Variants in ANO8 observed in about 807,000 individuals in gnomAD.
ANO8 encodes the protein anoctamin 8, also known as anoctamin-8.
ANO8 carries 67 observed loss-of-function variants against 120.4 expected under a neutral mutation model. That is an observed-to-expected ratio of 0.56 (90% confidence interval 0.46 to 0.68). The LOEUF (loss-of-function observed/expected upper bound fraction) is 0.68. Among genes scored for constraint, ANO8 ranks in the 30% least tolerant of loss-of-function variants. ANO8 has a pLI of 0.00. For missense variants in ANO8, 1,526 were observed against 1,737.6 expected (o/e 0.88, Z 2.16); for synonymous variants, 727 against 759.2 (o/e 0.96, Z 0.70).
intron 17 of ANO8, among the ~76,000 whole-genome samples, chr19:17,324,168 A>G (rs2074257538): frequency 1.8e-5 from 2 of 108,220 alleles, no homozygotes; most frequent in African/African-American, 6.9e-5. Flanking sequence ...CTCCCTGGGA[A>G]TGGGGTTGCT....
At position 17,327,828 on chromosome 19, in the gene ANO8, A is replaced by G; in HGVS notation, c.2279T>C (p.Leu760Pro). Residue 760 changes from leucine (L) to proline (P), a missense_variant, in exon 14 of 18, where the codon CTC (leucine) becomes CCC (proline). By Grantham distance (98) the Leu-to-Pro change is moderately conservative (BLOSUM62 -3). Coordinates refer to ENST00000159087, the MANE Select transcript of ANO8 (RefSeq NM_020959.3). ...EMFVQFGYVV[L>P]FSSAFPLAAL... ...CGCCAGGGGGAAGGCGGACGAGAAG[A>G]GCACAACGTAGCCGAACTGCACGAA... is the stretch of plus-strand genomic sequence containing the variant. The G allele has an allele frequency of 1.9e-6, 3 of 1,614,216 alleles. No homozygotes were observed. The highest frequency in any genetic ancestry group is 8.5e-7 in the Non-Finnish European group (1 of 1,180,010).
intron 12 of ANO8, 132 bp from the exon 13 acceptor site, chr19:17,329,115 C>T: frequency 2.9e-6 from 2 of 694,032 alleles, no homozygotes; most frequent in Admixed American, 4.0e-5. Context: ...TTCCTAACTC[C>T]GCTGCTTTGG....
In ANO8 at chr19:17,328,733, G is replaced by C. The variant is rs1307418318; in HGVS notation, c.1655C>G (p.Ala552Gly). ...CGCCGCCTCCTCCTCCTCCTCCGGCGCCCCGCAGCCCCCGCTGAGGCACCT... is the reference window on the plus strand; with the variant it reads ...CGCCGCCTCCTCCTCCTCCTCCGGCCCCCCGCAGCCCCCGCTGAGGCACCT... Reference protein sequence around the residue: ...GRRCLSGGCGAPEEEEEAALV... With the variant: ...GRRCLSGGCGGPEEEEEAALV... The change falls in exon 13 of 18, where the codon GCG (alanine) becomes GGG (glycine). Residue 552 changes from alanine to glycine, a missense_variant. This residue lies in a region of ANO8 where 467 missense variants were observed against 425.8 expected (regional missense o/e 1.10). Transcript: ENST00000159087. The C allele has an allele frequency of 7.4e-7, 1 of 1,347,750 alleles. No homozygotes were observed. The highest frequency in any genetic ancestry group is 9.5e-7 in the Non-Finnish European group (1 of 1,051,224). The allele number at this position is 1,347,750 out of a possible 1,614,324, so 83.5% of individuals were successfully genotyped here.
chr19:17,329,036 G>T, intron 12 of ANO8, 53 bp from the exon 13 acceptor site: 1 of 1,351,138 alleles, frequency 7.4e-7, no homozygotes, highest in South Asian at 1.5e-5. Context: ...GCGGGGCGCC[G>T]GGATCGGGGG....
rs1017214623 is a variant in ANO8 at position 17,333,854 on chromosome 19, C to A, written c.107-54G>T. ...AGGCCACTCTGGGATCCGGACCCGG[C>A]CTCCAGTCTTGGCTCCTCCTGCCCC... On this transcript the variant is annotated intron_variant, in intron 1 of 17. Coordinates refer to ENST00000159087, the MANE Select transcript of ANO8 (RefSeq NM_020959.3). This position sits in a 1 kb window ranked among gnomAD's most constrained non-coding sequence, Gnocchi z 7.2. 2 of 1,471,904 alleles carry A rather than the reference C, an allele frequency of 1.4e-6. No homozygotes were observed. The highest frequency in any genetic ancestry group is 1.9e-6 in the Non-Finnish European group (2 of 1,076,954). 91.2% of individuals were successfully genotyped at this position (1,471,904 alleles called of 1,614,324 possible).
intron 17 of ANO8, 78 bp downstream of exon 17, chr19:17,324,639 C>G (rs2074260538): frequency 1.3e-6 from 2 of 1,501,884 alleles, no homozygotes; most frequent in Non-Finnish European, 1.8e-6. Flanking sequence ...CCCTTCAGCC[C>G]CTCTCCCCAG....
chr19:17,333,770 G>C lies in ANO8; in HGVS notation c.137C>G (p.Ala46Gly). 1 of 1,605,340 alleles carries C rather than the reference G, an allele frequency of 6.2e-7. No homozygotes were observed. Among genetic ancestry groups the C allele is most frequent in the Non-Finnish European group, 8.5e-7 (1 of 1,177,072 alleles). ...CTTGTGGGACACCAGGTAGCGACCA[G>C]CCTGCAGGAGCCGCTTTCCGAAAAG... The part of the protein sequence containing the change: ...DKLFGKRLLQ[A>G]GRYLVSHKAW... Residue 46 changes from alanine (A) to glycine (G), a missense_variant, in exon 2 of 18, where the codon GCT (alanine) becomes GGT (glycine). Ala to Gly is a moderately conservative substitution (Grantham distance 60). This residue lies in a region of ANO8 where 322 missense variants were observed against 431.8 expected (regional missense o/e 0.75). Transcript: ENST00000159087. This position sits in a 1 kb window ranked among gnomAD's most constrained non-coding sequence, Gnocchi z 7.2.
At chr19:17,330,331 G>A (rs1476471284) in intron 9 of ANO8, 21 bp downstream of exon 9, 2 of 1,609,230 alleles carry the variant, frequency 1.2e-6, no homozygotes, top group African/African-American at 2.7e-5. Context: ...GGACAGGGCG[G>A]GTGAGGGTAT....
At position 17,330,817 on chromosome 19, in the gene ANO8, C is replaced by A; in HGVS notation, c.993+11G>T. Reference sequence around the variant, plus strand: ...CTGTCTCCATGACCCTGGACTCAGCCCCCAACTGACCCTGAACTGGGGGCG... The same window carrying A: ...CTGTCTCCATGACCCTGGACTCAGCACCCAACTGACCCTGAACTGGGGGCG... On this transcript the variant is annotated intron_variant, in intron 8 of 17. Transcript: ENST00000159087. 1.9e-6 allele frequency: 3 copies of A among 1,611,680 alleles called. No homozygotes were observed. The highest frequency in any genetic ancestry group is 2.5e-6 in the Non-Finnish European group (3 of 1,178,654).
In ANO8 at chr19:17,333,746, T is replaced by A. The variant is rs1478262238; in HGVS notation, c.161A>T (p.Lys54Met). Residue 54 changes from lysine to methionine, a missense_variant, in exon 2 of 18, where the codon AAG (lysine) becomes ATG (methionine). Lys to Met is a moderately conservative substitution (Grantham distance 95, BLOSUM62 -1). Transcript: ENST00000159087. This position sits in a 1 kb window ranked among gnomAD's most constrained non-coding sequence, Gnocchi z 7.2. Reference sequence around the variant, plus strand: ...TGTAGGCACCGTCTTCATCCACGCCTTGTGGGACACCAGGTAGCGACCAGC... The same window carrying A: ...TGTAGGCACCGTCTTCATCCACGCCATGTGGGACACCAGGTAGCGACCAGC... ...LQAGRYLVSH[K>M]AWMKTVPTEN... The A allele has an allele frequency of 1.2e-6, 2 of 1,609,500 alleles. No individual in the cohort carries two copies. The highest frequency in any genetic ancestry group is 1.7e-5 in the Admixed American group (1 of 59,800).
At position 17,330,218 on chromosome 19, in the gene ANO8, G is replaced by C; in HGVS notation, c.1180C>G (p.Leu394Val). The part of the protein sequence containing the change: ...LVLSVKGLPR[L>V]ARFLPKVMLA... ...ATGACCTTAGGCAGGAATCGGGCGAGACGGGGCAACCCCTTCACGCTCAGC... is the reference window on the plus strand; with the variant it reads ...ATGACCTTAGGCAGGAATCGGGCGACACGGGGCAACCCCTTCACGCTCAGC... Residue 394 changes from leucine to valine, a missense_variant, in exon 10 of 18, where the codon CTC (leucine) becomes GTC (valine). By Grantham distance (32) the Leu-to-Val change is conservative. This residue lies in a region of ANO8 where 91 missense variants were observed against 85.3 expected (regional missense o/e 1.07). Transcript: ENST00000159087. 6.2e-7 allele frequency: 1 copy of C among 1,614,036 alleles called. No homozygotes were observed. The highest frequency in any genetic ancestry group is 8.5e-7 in the Non-Finnish European group (1 of 1,180,030).
At chr19:17,334,155 C>T (rs1245964713) in intron 1 of ANO8, among the ~76,000 whole-genome samples, 1 of 152,204 alleles carries the variant, frequency 6.6e-6, no homozygotes, top group Non-Finnish European at 1.5e-5. Context: ...CGGTTCTTAC[C>T]CCCATTTCAC....
At chr19:17,327,944 C>T (rs2074284239) in intron 13 of ANO8, 64 bp from the exon 14 acceptor site, 19 of 1,569,368 alleles carry the variant, frequency 1.2e-5, no homozygotes, top group Non-Finnish European at 1.5e-5. Flanking sequence ...TCCCATTGAG[C>T]CCGCCTCCCT....
rs1168302767 is a variant in ANO8, at chr19:17,332,964, G to A, written c.552C>T (p.Leu184=). 9 of 1,614,164 alleles carry A rather than the reference G, an allele frequency of 5.6e-6. No individual in the cohort carries two copies. The highest frequency in any genetic ancestry group is 7.6e-6 in the Non-Finnish European group (9 of 1,180,052). ...QNLRAKQGEA[L]HNVRFLEDQP... is the part of the protein sequence containing the mutation. Reference sequence around the variant, plus strand: ...GGTCCTCCAGGAAGCGCACGTTGTGGAGTGCTTCTCCCTGCTTGGCACGCA... The same window carrying A: ...GGTCCTCCAGGAAGCGCACGTTGTGAAGTGCTTCTCCCTGCTTGGCACGCA... Residue 184 remains leucine (L), a synonymous_variant, in exon 5 of 18, where the codon CTC becomes CTT. Transcript: ENST00000159087.
intron 9 of ANO8, 28 bp from the exon 10 acceptor site, chr19:17,330,279 T>G: frequency 6.2e-7 from 1 of 1,613,710 alleles, no homozygotes; most frequent in Non-Finnish European, 8.5e-7. Context: ...TCAGGGCTCA[T>G]CCCAGCTGCA....
chr19:17,330,075 C>T lies in ANO8; in HGVS notation c.1273+50G>A, dbSNP rs1486787521. The T allele has an allele frequency of 1.9e-6, 3 of 1,613,796 alleles. No homozygotes were observed. The African/African-American group carries it at 4.0e-5, about 22-fold the overall frequency. On this transcript the variant is annotated intron_variant, in intron 10 of 17. Coordinates refer to ENST00000159087, the MANE Select transcript of ANO8 (RefSeq NM_020959.3). The stretch of plus-strand genomic sequence containing the variant: ...GGTCCCCCCAAGGGTGGCAGGGATC[C>T]CAAGGGGCAGTGGAGACCTTCCTCC...
Position 17,333,880 on chromosome 19 carries a change from C to G in ANO8, c.107-80G>C. ...CTCCAGTCTTGGCTCCTCCTGCCCC[C>G]GCCAGGGCTCCTCACCACTCCACCT... is the stretch of plus-strand genomic sequence containing the variant. On this transcript the variant is annotated intron_variant, in intron 1 of 17. Coordinates refer to ENST00000159087, the MANE Select transcript of ANO8 (RefSeq NM_020959.3). The surrounding 1 kb of genome is among the most constrained non-coding windows in gnomAD (Gnocchi z 7.2). 1 of 1,225,328 alleles carries G rather than the reference C, an allele frequency of 8.2e-7. No individual in the cohort carries two copies. Among genetic ancestry groups the G allele is most frequent in the South Asian group, 1.3e-5 (1 of 76,202 alleles). The allele number at this position is 1,225,328 out of a possible 1,614,324, so 75.9% of individuals were successfully genotyped here.
intron 16 of ANO8, 139 bp from the exon 17 acceptor site, chr19:17,325,525 C>T: frequency 1.6e-6 from 2 of 1,270,040 alleles, no homozygotes; most frequent in Non-Finnish European, 1.1e-6. Context: ...TATCCCTGCA[C>T]CCACAATGGG....
At position 17,334,659 on chromosome 19, in the gene ANO8, G is replaced by A. The variant is rs1649678778; in HGVS notation, c.12C>T (p.Ala4=). The stretch of plus-strand genomic sequence containing the variant: ...GGGACGTGCCCCCGGCGCCGGAGGC[G>A]GCCTCGGCCATGGCGAGGACAGGTC... The part of the protein sequence containing the change: MAE[A]ASGAGGTSLE... The change falls in exon 1 of 18, where the codon GCC becomes GCT. Residue 4 remains alanine, a synonymous_variant. Coordinates refer to ENST00000159087, the MANE Select transcript of ANO8 (RefSeq NM_020959.3). 2 of 1,472,654 alleles carry A rather than the reference G, an allele frequency of 1.4e-6. No homozygotes were observed. The highest frequency in any genetic ancestry group is 1.8e-6 in the Non-Finnish European group (2 of 1,120,426). The allele number at this position is 1,472,654 out of a possible 1,614,324, so 91.2% of individuals were successfully genotyped here.
Sources: gnomAD v4.1 joint callset for allele counts (sites outside exome capture counted in the v4.1 genomes callset) on GRCh38, gnomAD v4.1.1 for gene constraint, gnomAD v4.1.1 regional missense constraint, Gnocchi (gnomAD v3.1) non-coding constraint, MANE v1.5 for transcripts, NCBI Gene and HGNC (gene_info 2026-07-23, HGNC 2026-07-21) for gene names.